FNDC3A: variants seen among roughly 807,000 people sequenced by gnomAD.
FNDC3A encodes fibronectin type-III domain-containing protein 3A.
In FNDC3A, 32 loss-of-function variants were observed where a neutral mutation model predicts 148.9. That is an observed-to-expected ratio of 0.21 (90% CI 0.16 to 0.29). FNDC3A has a LOEUF of 0.29. Ranked by LOEUF, FNDC3A falls within the 10% of genes least tolerant of loss-of-function variation. The pLI is 1.00. For missense variants in FNDC3A, 1,191 were observed against 1,452.8 expected (o/e 0.82, Z 2.93); for synonymous variants, 472 against 473.6 (o/e 1.00, Z 0.04).
intron 1 of FNDC3A, among the ~76,000 whole-genome samples, chr13:48,984,088 A>G (rs1317756354): frequency 6.6e-6 from 1 of 152,228 alleles, no homozygotes; most frequent in Non-Finnish European, 1.5e-5. Context: ...ATCAACAATA[A>G]CCAACTATGA....
intron 2 of FNDC3A, chr13:49,045,140 T>TC (rs1468384970): frequency 5.3e-6 from 1 of 188,302 alleles, no homozygotes; most frequent in Non-Finnish European, 1.1e-5. Flanking sequence ...CCTTTCCCTT[T>TC]CCTTTCCCTT....
intron 2 of FNDC3A, among the ~76,000 whole-genome samples, chr13:49,074,967 C>A (rs1473860170): frequency 6.6e-6 from 1 of 152,162 alleles, no homozygotes; most frequent in Non-Finnish European, 1.5e-5. Flanking sequence ...TGATACTTAG[C>A]AACTGATAAG....
chr13:49,186,978 A>G (rs1372034860), intron 15 of FNDC3A, 144 bp from the exon 16 acceptor site: 6 of 514,246 alleles, frequency 1.2e-5, no homozygotes, highest in Non-Finnish European at 2.1e-5. Context: ...TGACAACAGC[A>G]TGGAGTAATT....
At chr13:49,007,942 G>T (rs952451602) in intron 2 of FNDC3A, among the ~76,000 whole-genome samples, 2 of 152,132 alleles carry the variant, frequency 1.3e-5, no homozygotes, top group African/African-American at 2.4e-5. Context: ...CACTGGACTG[G>T]CCTGATAGAT....
At chr13:49,107,811 T>A (rs1880295750) in intron 3 of FNDC3A, among the ~76,000 whole-genome samples, 1 of 152,218 alleles carries the variant, frequency 6.6e-6, no homozygotes, top group African/African-American at 2.4e-5. Flanking sequence ...TCCTGAGCAG[T>A]GCTGACAGCT....
chr13:48,977,264 T>G (rs1009607865), intron 1 of FNDC3A, among the ~76,000 whole-genome samples: 16 of 152,338 alleles, frequency 1.1e-4, no homozygotes, highest in African/African-American at 3.8e-4. Flanking sequence ...TGCTTCTTAC[T>G]GTGGTCTGTG....
upstream of FNDC3A, chr13:48,975,834 G>C (rs1481127051): frequency 6.6e-6 from 1 of 151,556 alleles, no homozygotes; most frequent in Non-Finnish European, 1.5e-5. Context: ...GCTCGAGGCG[G>C]GGGTTCGGGG....
At chr13:49,072,994 C>A (rs1160799999) in intron 2 of FNDC3A, among the ~76,000 whole-genome samples, 1 of 152,170 alleles carries the variant, frequency 6.6e-6, no homozygotes, top group African/African-American at 2.4e-5. Context: ...ATGTACTAAG[C>A]CTTTGAAATC....
chr13:48,982,943 A>G (rs889182719), intron 1 of FNDC3A, among the ~76,000 whole-genome samples: 1 of 152,198 alleles, frequency 6.6e-6, no homozygotes, highest in Non-Finnish European at 1.5e-5. Flanking sequence ...CCTATTTAAC[A>G]TGACAAGTAA....
At position 49,175,397 on chromosome 13, in the gene FNDC3A, C is replaced by G. The variant is rs767449580; in HGVS notation, c.1386C>G (p.Thr462=). The G allele has an allele frequency of 1.2e-6, 2 of 1,604,850 alleles. No homozygotes were observed. The highest frequency in any genetic ancestry group is 2.7e-5 in the African/African-American group (2 of 74,336). The part of the protein sequence containing the change: ...SGFSEEVLYY[T]SGCAPSMPAS... Reference sequence around the variant, plus strand: ...TTAGTGAAGAAGTCTTATATTACACCTCAGGCTGTGCTCCTTCTATGCCAG... The same window carrying G: ...TTAGTGAAGAAGTCTTATATTACACGTCAGGCTGTGCTCCTTCTATGCCAG... Residue 462 remains threonine, a synonymous_variant, in exon 13 of 26, where the codon ACC becomes ACG. Coordinates refer to ENST00000492622, the MANE Select transcript of FNDC3A (RefSeq NM_001079673.2).
chr13:49,099,641 A>C (rs1346094386), intron 3 of FNDC3A, among the ~76,000 whole-genome samples: 1 of 152,160 alleles, frequency 6.6e-6, no homozygotes, highest in Non-Finnish European at 1.5e-5. Flanking sequence ...ATCTTGCAGT[A>C]AACTCTCTCA....
intron 3 of FNDC3A, among the ~76,000 whole-genome samples, chr13:49,093,514 T>C (rs1430525656): frequency 6.6e-6 from 1 of 152,212 alleles, no homozygotes; most frequent in Non-Finnish European, 1.5e-5. Flanking sequence ...CTAACTATTA[T>C]CTTCATTTTA....
At chr13:49,083,587 C>T (rs1036828908) in intron 3 of FNDC3A, among the ~76,000 whole-genome samples, 1 of 152,090 alleles carries the variant, frequency 6.6e-6, no homozygotes, top group Non-Finnish European at 1.5e-5. Flanking sequence ...TTATAAAACA[C>T]TATAGAAATG....
intron 1 of FNDC3A, among the ~76,000 whole-genome samples, chr13:48,979,887 C>G (rs1356366844): frequency 6.6e-6 from 1 of 151,982 alleles, no homozygotes; most frequent in African/African-American, 2.4e-5. Context: ...AAGAGCCAAA[C>G]AAAAACAAGC....
At chr13:49,080,991 C>G (rs1197820836) in intron 3 of FNDC3A, among the ~76,000 whole-genome samples, 1 of 152,074 alleles carries the variant, frequency 6.6e-6, no homozygotes, top group African/African-American at 2.4e-5. Flanking sequence ...TGTATGGCAC[C>G]CAGCACATAG....
At chr13:49,098,421 C>T (rs1221691976) in intron 3 of FNDC3A, among the ~76,000 whole-genome samples, 1 of 152,050 alleles carries the variant, frequency 6.6e-6, no homozygotes, top group Non-Finnish European at 1.5e-5. Flanking sequence ...ATCCTAAGTG[C>T]TCCTTCCTAC....
chr13:49,074,827 A>G (rs2137778821), intron 2 of FNDC3A, among the ~76,000 whole-genome samples: 1 of 152,202 alleles, frequency 6.6e-6, no homozygotes, highest in Non-Finnish European at 1.5e-5. Flanking sequence ...TATTACCTTT[A>G]TAATAAAAGG....
At chr13:49,070,881 C>CTTTTTTTTTTTTTTTTT (rs758290861) in intron 2 of FNDC3A, among the ~76,000 whole-genome samples, 3 of 120,968 alleles carry the variant, frequency 2.5e-5, no homozygotes, top group Non-Finnish European at 5.1e-5. Context: ...AACAGGATTT[C>CTTTTTTTTTTTTTTTTT]TTTTTTTTTT....
intron 7 of FNDC3A, among the ~76,000 whole-genome samples, chr13:49,140,964 A>G (rs1039551156): frequency 1.3e-5 from 2 of 152,222 alleles, no homozygotes; most frequent in South Asian, 4.1e-4. Flanking sequence ...GTGTGGGAAC[A>G]GTATTGCAAA....
Sources: allele counts gnomAD v4.1 joint callset (sites outside exome capture counted in the v4.1 genomes callset), GRCh38; gene constraint gnomAD v4.1.1; transcripts MANE v1.5; gene names NCBI Gene and HGNC (gene_info 2026-07-23, HGNC 2026-07-21).